BLTP1: variants seen among roughly 807,000 people sequenced by gnomAD.
BLTP1 encodes fragile site-associated protein.
chr4:122,314,010 G>A, the BLTP1 span: 1 of 947,286 alleles, frequency 1.1e-6, no homozygotes, highest in Non-Finnish European at 1.3e-6. Context: ...ATTGAAATAT[G>A]TGATATGTAC....
the BLTP1 span, chr4:122,344,299 A>C: frequency 3.6e-6 from 5 of 1,391,812 alleles, no homozygotes; most frequent in East Asian, 4.9e-5. Flanking sequence ...ACAGTATATT[A>C]GATAATTTTC....
At chr4:122,200,205 A>G in the BLTP1 span, 2 of 976,218 alleles carry the variant, frequency 2.0e-6, no homozygotes, top group Non-Finnish European at 1.2e-6. Context: ...CAGTATTTTA[A>G]TGAATTCTTC....
chr4:122,185,248 G>A, the BLTP1 span: 2 of 979,188 alleles, frequency 2.0e-6, no homozygotes, highest in Non-Finnish European at 2.4e-6. Flanking sequence ...GTTATAAAGT[G>A]GAAAACATTT....
chr4:122,187,785 A>C, the BLTP1 span: 1 of 1,227,168 alleles, frequency 8.1e-7, no homozygotes, highest in Non-Finnish European at 1.1e-6. Context: ...CTAAAGTGGA[A>C]TCATTAAGCT....
chr4:122,258,151 C>T, the BLTP1 span, among the ~76,000 whole-genome samples: 1 of 151,586 alleles, frequency 6.6e-6, no homozygotes, highest in Non-Finnish European at 1.5e-5. Flanking sequence ...TAAGCTTTGC[C>T]AAAGATTAAT....
the BLTP1 span, chr4:122,301,470 G>A: frequency 1.3e-6 from 1 of 794,596 alleles, no homozygotes; most frequent in South Asian, 2.4e-5. Flanking sequence ...TAGAAAATTT[G>A]TATCTTACAT....
chr4:122,280,715 G>A, the BLTP1 span, among the ~76,000 whole-genome samples: 3 of 149,086 alleles, frequency 2.0e-5, no homozygotes, highest in Middle Eastern at 3.2e-3. Context: ...TTTGTCTTAC[G>A]TTTTATTTCC....
At chr4:122,346,790 T>C in the BLTP1 span, 4 of 1,604,030 alleles carry the variant, frequency 2.5e-6, no homozygotes, top group Admixed American at 5.1e-5. Flanking sequence ...TTAATTTTGG[T>C]TACTGTAGCA....
At chr4:122,262,435 A>G in the BLTP1 span, among the ~76,000 whole-genome samples, 2 of 152,088 alleles carry the variant, frequency 1.3e-5, no homozygotes, top group Admixed American at 6.6e-5. Context: ...ATACGGTGCT[A>G]TGTGGTTTTA....
the BLTP1 span, chr4:122,235,491 G>T: frequency 3.1e-6 from 3 of 981,418 alleles, no homozygotes; most frequent in Non-Finnish European, 3.6e-6. Context: ...GTCAAGAAAA[G>T]AACTCCAGTC....
At chr4:122,355,747 C>A in the BLTP1 span, 1 of 1,525,208 alleles carries the variant, frequency 6.6e-7, no homozygotes, top group South Asian at 1.3e-5. Context: ...ATAGGCTTGT[C>A]AATGCCTATT....
the BLTP1 span, chr4:122,307,294 A>T: frequency 5.9e-6 from 1 of 170,452 alleles, no homozygotes; most frequent in African/African-American, 2.4e-5. Context: ...GCAGTCTCAC[A>T]TGAGTTCAGA....
At chr4:122,251,217 G>C in the BLTP1 span, 1 of 682,272 alleles carries the variant, frequency 1.5e-6, no homozygotes, top group Non-Finnish European at 1.8e-6. Context: ...GACTGAAGCA[G>C]GTAATACATA....
the BLTP1 span, chr4:122,206,174 A>C: frequency 1.8e-6 from 1 of 551,648 alleles, no homozygotes; most frequent in African/African-American, 2.0e-5. Flanking sequence ...TGTTTCATTC[A>C]CCATTGTAGT....
the BLTP1 span, chr4:122,203,707 TTATC>T: frequency 4.8e-6 from 1 of 209,964 alleles, no homozygotes; most frequent in South Asian, 1.7e-4. Context: ...TTTTTAATAT[TTATC>T]AGTAAAGATG....
the BLTP1 span, chr4:122,172,220 A>G: frequency 3.5e-3 from 1,994 of 564,640 alleles, 6 homozygotes; most frequent in Admixed American, 3.6e-3. Context: ...TAATTGTTTA[A>G]AAGTTAAGGA....
chr4:122,180,187 T>G, the BLTP1 span: 1 of 985,140 alleles, frequency 1.0e-6, no homozygotes, highest in Non-Finnish European at 1.2e-6. Flanking sequence ...CCCTGTAACG[T>G]CATTTACTAA....
chr4:122,189,980 T>TC, the BLTP1 span: 1 of 1,600,772 alleles, frequency 6.2e-7, no homozygotes, highest in Non-Finnish European at 8.5e-7. Flanking sequence ...TAGTTTGCTT[T>TC]CCCCTCCACC....
chr4:122,249,066 C>T, the BLTP1 span: 1 of 939,936 alleles, frequency 1.1e-6, no homozygotes, highest in Non-Finnish European at 1.3e-6. Flanking sequence ...TAAAATATGT[C>T]AGTATAAAAC....
Sources: allele counts gnomAD v4.1 joint callset (sites outside exome capture counted in the v4.1 genomes callset), GRCh38; gene constraint gnomAD v4.1.1; transcripts MANE v1.5; gene names NCBI Gene and HGNC (gene_info 2026-07-23, HGNC 2026-07-21).